Variants in SPECC1 observed in about 807,000 individuals in gnomAD.
SPECC1 encodes the protein cytospin-B.
In SPECC1, 62 loss-of-function variants were observed where a neutral mutation model predicts 104.1. The observed-to-expected ratio is 0.60, with a 90% CI of 0.49 to 0.74. The LOEUF is 0.74. Among genes scored for constraint, SPECC1 ranks in the 30% least tolerant of loss-of-function variants. The pLI, the probability that SPECC1 is intolerant of heterozygous loss-of-function variation, is 0.00. For missense variants in SPECC1, 1,306 were observed against 1,310.5 expected (o/e 1.00, Z 0.05); for synonymous variants, 513 against 501.6 (o/e 1.02, Z -0.30).
At position 20,292,560 on chromosome 17, in the gene SPECC1, C is replaced by T. The variant is rs148313585; in HGVS notation, c.2941-4401C>T. 1.6e-3 allele frequency among the ~76,000 whole-genome samples: 247 copies of T among 152,278 alleles called. 2 individuals are homozygous for T. The highest frequency in any genetic ancestry group is 5.5e-3 in the African/African-American group (229 of 41,550). On this transcript the variant is annotated intron_variant, in intron 12 of 14. Transcript: ENST00000395527. ...GGCCAGGCTGGTCTCGAACTCCTGA[C>T]GTCAGGTGATCCGCTCACCTCAGCC... is the stretch of plus-strand genomic sequence containing the variant.
At chr17:20,238,179 G>A in intron 7 of SPECC1, 1 of 1,035,470 alleles carries the variant, frequency 9.7e-7, no homozygotes. Context: ...TGATCATAAA[G>A]GATGTTATTA....
chr17:20,298,948 A>AGAGAGAGTGTGTGTGTGTGTGT lies in SPECC1; in HGVS notation c.3057+1872_3057+1873insAGAGAGTGTGTGTGTGTGTGTG. On this transcript the variant is annotated intron_variant, in intron 13 of 14. Transcript: ENST00000395527. ...GAGAGAGAGAGAGAGAGAGAGAGAG[A>AGAGAGAGTGTGTGTGTGTGTGT]GTGTGTGTGTGTGTGTGTGTGTGTA... Among the ~76,000 whole-genome samples the AGAGAGAGTGTGTGTGTGTGTGT allele has an allele frequency of 8.4e-4, 41 of 49,064 alleles. 1 individual carries two copies. The highest frequency in any genetic ancestry group is 2.5e-3 in the Admixed American group (12 of 4,784). 32.2% of individuals were successfully genotyped at this position (49,064 alleles called of 152,430 possible). A position where few individuals can be genotyped will look rare whatever the true frequency, so the allele number is the denominator to read the frequency against.
rs1218672710 is a variant in SPECC1, at chr17:20,187,633, C to CGAAA, written c.284-16700_284-16699insGAAA. On this transcript the variant is annotated intron_variant, in intron 3 of 14. Transcript: ENST00000395527. ...ACCTGAAGTTGGACTTGATCCTAGACTTTCAGTTATGGGAGTCAAAACCTC... is the reference window on the plus strand; with the variant it reads ...ACCTGAAGTTGGACTTGATCCTAGACGAAATTTCAGTTATGGGAGTCAAAACCTC... Among the ~76,000 whole-genome samples, 4 of 152,204 alleles carry CGAAA rather than the reference C, an allele frequency of 2.6e-5. No individual in the cohort carries two copies. In the East Asian group the frequency reaches 7.7e-4, roughly 29 times the overall value.
chr17:20,311,138 TATTGTTTTTC>T (rs1177097469), intron 14 of SPECC1, among the ~76,000 whole-genome samples: 1 of 151,476 alleles, frequency 6.6e-6, no homozygotes, highest in Non-Finnish European at 1.5e-5. Context: ...TTGTAAATGT[TATTGTTTTTC>T]TTATTACAAA....
At chr17:20,169,397 A>G (rs1202337557) in intron 3 of SPECC1, among the ~76,000 whole-genome samples, 1 of 152,130 alleles carries the variant, frequency 6.6e-6, no homozygotes, top group Non-Finnish European at 1.5e-5. Flanking sequence ...ATAGCTGCTG[A>G]ATTTTCCAAA....
chr17:20,208,316 A>C (rs2036915585), intron 4 of SPECC1, among the ~76,000 whole-genome samples: 1 of 152,192 alleles, frequency 6.6e-6, no homozygotes, highest in African/African-American at 2.4e-5. Flanking sequence ...TAGGTTTGTG[A>C]TTTTGTGCTG....
At chr17:20,234,020 A>G (rs1440758665) in intron 7 of SPECC1, among the ~76,000 whole-genome samples, 3 of 152,180 alleles carry the variant, frequency 2.0e-5, no homozygotes, top group East Asian at 1.9e-4. Context: ...AGGTTCTTCT[A>G]TGAGATGCCA....
chr17:20,264,435 A>G (rs886783678), intron 12 of SPECC1, among the ~76,000 whole-genome samples: 1 of 132,722 alleles, frequency 7.5e-6, no homozygotes, highest in Non-Finnish European at 1.6e-5. Context: ...GTTGCCATCC[A>G]TGTGGCTTTT....
intron 3 of SPECC1, among the ~76,000 whole-genome samples, chr17:20,186,387 A>C (rs2035277685): frequency 6.6e-6 from 1 of 152,218 alleles, no homozygotes. Context: ...AAGTAAGCCC[A>C]TTCTGTTGGA....
intron 12 of SPECC1, among the ~76,000 whole-genome samples, chr17:20,296,132 T>C (rs925171167): frequency 1.6e-4 from 24 of 152,362 alleles, no homozygotes; most frequent in African/African-American, 5.8e-4. Flanking sequence ...TAGGTTTTCT[T>C]CTAGGGTTTT....
At chr17:20,108,944 A>C (rs1316892771) in intron 2 of SPECC1, among the ~76,000 whole-genome samples, 1 of 152,142 alleles carries the variant, frequency 6.6e-6, no homozygotes, top group Non-Finnish European at 1.5e-5. Context: ...GCAAGAGCAG[A>C]GGGTGTTGCT....
chr17:20,045,120 G>A (rs1180864065), intron 1 of SPECC1, among the ~76,000 whole-genome samples: 1 of 152,054 alleles, frequency 6.6e-6, no homozygotes, highest in East Asian at 1.9e-4. Context: ...TGATAGTTTT[G>A]TTTCTGTTCT....
intron 4 of SPECC1, among the ~76,000 whole-genome samples, chr17:20,208,498 AATG>A (rs1207972636): frequency 3.3e-5 from 5 of 152,214 alleles, no homozygotes; most frequent in Non-Finnish European, 5.9e-5. Context: ...CATGAATTTA[AATG>A]ATAATACTTA....
intron 3 of SPECC1, among the ~76,000 whole-genome samples, chr17:20,173,250 C>G (rs185714727): frequency 2.4e-4 from 37 of 152,258 alleles, no homozygotes; most frequent in African/African-American, 8.4e-4. Context: ...GTTAGCTGAC[C>G]TAAAGGTTTC....
At chr17:20,099,511 CAAAAA>C (rs56285234) in intron 2 of SPECC1, among the ~76,000 whole-genome samples, 3,375 of 91,738 alleles carry the variant, frequency 0.037, 163 homozygotes, top group African/African-American at 0.12. Context: ...TGTCTTTACC[CAAAAA>C]AAAAAAAAAA....
chr17:20,023,969 G>T (rs1337046387), intron 1 of SPECC1, among the ~76,000 whole-genome samples: 2 of 152,170 alleles, frequency 1.3e-5, no homozygotes, highest in Non-Finnish European at 2.9e-5. Context: ...ATTTACGTGT[G>T]ATGTGTATAC....
intron 4 of SPECC1, among the ~76,000 whole-genome samples, chr17:20,226,328 T>G (rs1256464582): frequency 6.6e-6 from 1 of 152,196 alleles, no homozygotes; most frequent in Non-Finnish European, 1.5e-5. Context: ...ATAGTAAGCA[T>G]AGTATTGTAG....
chr17:20,107,144 C>CAAAAAAAAAAAA (rs531912350), intron 2 of SPECC1, among the ~76,000 whole-genome samples: 2 of 68,212 alleles, frequency 2.9e-5, no homozygotes, highest in East Asian at 9.0e-4. Context: ...ACTCGTGTCT[C>CAAAAAAAAAAAA]AAAAAAAAAA....
At chr17:20,220,710 C>G (rs1220641614) in intron 4 of SPECC1, among the ~76,000 whole-genome samples, 1 of 152,030 alleles carries the variant, frequency 6.6e-6, no homozygotes, top group Non-Finnish European at 1.5e-5. Flanking sequence ...ACTTCCAGTA[C>G]TGTGTGTGAA....
Sources: gnomAD v4.1 joint callset for allele counts (sites outside exome capture counted in the v4.1 genomes callset) on GRCh38, gnomAD v4.1.1 for gene constraint, MANE v1.5 for transcripts, NCBI Gene and HGNC (gene_info 2026-07-23, HGNC 2026-07-21) for gene names.